Variants in THRB observed in about 807,000 individuals in gnomAD.
THRB encodes the protein thyroid hormone receptor beta.
A neutral mutation model predicts 47.8 loss-of-function variants in THRB; 12 were observed. The ratio of observed to expected loss-of-function variants is 0.25; its 90% CI spans 0.16 to 0.41. THRB has a LOEUF of 0.41. THRB is among the 10% of genes least tolerant of loss of function. The probability of loss-of-function intolerance (pLI) is 1.00; values close to 1 mark genes in which losing one functional copy is unlikely to be tolerated. For missense variants in THRB, 348 were observed against 589.2 expected (o/e 0.59, Z 4.24); for synonymous variants, 218 against 212.2 (o/e 1.03, Z -0.24).
At chr3:24,224,505 T>C (rs138533338) in intron 4 of THRB, among the ~76,000 whole-genome samples, 2 of 152,232 alleles carry the variant, frequency 1.3e-5, no homozygotes, top group Non-Finnish European at 2.9e-5. Flanking sequence ...GTAGGACATA[T>C]GCACCACCGT....
At chr3:24,401,426 G>A (rs547430226) in intron 1 of THRB, among the ~76,000 whole-genome samples, 1 of 152,078 alleles carries the variant, frequency 6.6e-6, no homozygotes, top group African/African-American at 2.4e-5. Flanking sequence ...ATGTTCAAGA[G>A]CTTTGTCAAA....
intron 3 of THRB, among the ~76,000 whole-genome samples, chr3:24,291,686 A>G (rs764538633): frequency 6.6e-6 from 1 of 152,158 alleles, no homozygotes; most frequent in Non-Finnish European, 1.5e-5. Context: ...TTTTCAATCC[A>G]TAGTTGGTTG....
intron 3 of THRB, among the ~76,000 whole-genome samples, chr3:24,245,770 G>T (rs146091420): frequency 1.3e-5 from 2 of 152,028 alleles, no homozygotes; most frequent in African/African-American, 4.8e-5. Context: ...AAAATTAGCC[G>T]GGTGTGGTGG....
intron 2 of THRB, among the ~76,000 whole-genome samples, chr3:24,330,140 C>A (rs551338469): frequency 4.9e-4 from 73 of 149,566 alleles, no homozygotes; most frequent in African/African-American, 1.7e-3. Flanking sequence ...CCCGTCTCTA[C>A]TAAAAATACA....
intron 1 of THRB, among the ~76,000 whole-genome samples, chr3:24,410,415 T>TA (rs1300223115): frequency 6.6e-6 from 1 of 151,820 alleles, no homozygotes; most frequent in Non-Finnish European, 1.5e-5. Flanking sequence ...ATCTTTGGAA[T>TA]AAAAAATAGA....
At chr3:24,414,836 A>G (rs1577401121) in intron 1 of THRB, among the ~76,000 whole-genome samples, 1 of 152,008 alleles carries the variant, frequency 6.6e-6, no homozygotes, top group East Asian at 2.0e-4. Context: ...TGGTAGAAAA[A>G]GTGATTTCCT....
chr3:24,126,905 C>CT (rs2032935156), intron 10 of THRB, among the ~76,000 whole-genome samples: 1 of 152,178 alleles, frequency 6.6e-6, no homozygotes, highest in Admixed American at 6.5e-5. Context: ...GCTTGGGACT[C>CT]TTTCTCTTGG....
intron 2 of THRB, among the ~76,000 whole-genome samples, chr3:24,324,872 A>G (rs1313894173): frequency 4.6e-5 from 7 of 152,240 alleles, no homozygotes; most frequent in African/African-American, 1.7e-4. Flanking sequence ...GAGCAGATTC[A>G]ATGCTGTATC....
At chr3:24,199,948 A>G (rs1273149076) in intron 4 of THRB, among the ~76,000 whole-genome samples, 1 of 152,224 alleles carries the variant, frequency 6.6e-6, no homozygotes. Flanking sequence ...GAGCACTGGG[A>G]AAATACTTTC....
intron 3 of THRB, among the ~76,000 whole-genome samples, chr3:24,255,831 G>A (rs887652322): frequency 6.6e-6 from 1 of 152,300 alleles, no homozygotes; most frequent in East Asian, 1.9e-4. Flanking sequence ...AGTCAGAAAA[G>A]GTTGAAGGGT....
chr3:24,149,527 T>C (rs1160211552), intron 6 of THRB, among the ~76,000 whole-genome samples: 2 of 152,240 alleles, frequency 1.3e-5, no homozygotes, highest in Admixed American at 1.3e-4. Context: ...AAATAATTTA[T>C]ACTTTGCTTA....
chr3:24,483,536 G>T (rs1309444279), intron 1 of THRB, among the ~76,000 whole-genome samples: 2 of 150,828 alleles, frequency 1.3e-5, no homozygotes, highest in South Asian at 2.1e-4. Context: ...TGCTGATAAT[G>T]ATATGAGGAT....
At chr3:24,387,278 C>G (rs1387066481) in intron 1 of THRB, among the ~76,000 whole-genome samples, 1 of 152,094 alleles carries the variant, frequency 6.6e-6, no homozygotes, top group Admixed American at 6.6e-5. Context: ...AATCTACAAT[C>G]ATTTAGGCCT....
At chr3:24,182,003 C>A (rs947533968) in intron 5 of THRB, among the ~76,000 whole-genome samples, 7 of 152,122 alleles carry the variant, frequency 4.6e-5, no homozygotes, top group Non-Finnish European at 1.0e-4. Flanking sequence ...AGATCGAGAC[C>A]ATCCTGGCTA....
chr3:24,319,360 TC>T (rs1370108716), intron 2 of THRB, among the ~76,000 whole-genome samples: 3 of 152,232 alleles, frequency 2.0e-5, no homozygotes, highest in African/African-American at 7.2e-5. Flanking sequence ...CTGTGGTATA[TC>T]CATGTACTCA....
chr3:24,312,811 G>C (rs536352666), intron 2 of THRB, among the ~76,000 whole-genome samples: 5 of 152,184 alleles, frequency 3.3e-5, no homozygotes, highest in Non-Finnish European at 7.4e-5. Context: ...TAGTCTAATG[G>C]AAAACCTTTA....
intron 1 of THRB, among the ~76,000 whole-genome samples, chr3:24,415,981 T>C (rs1437901736): frequency 4.0e-5 from 6 of 151,840 alleles, no homozygotes; most frequent in Non-Finnish European, 8.8e-5. Context: ...CAAGTATGAA[T>C]ATGTATTCAT....
intron 6 of THRB, among the ~76,000 whole-genome samples, chr3:24,150,377 T>C (rs2036735488): frequency 6.6e-6 from 1 of 152,198 alleles, no homozygotes; most frequent in East Asian, 1.9e-4. Flanking sequence ...TTTGTCATTA[T>C]ATTAAGTGAT....
chr3:24,147,999 AT>A lies in THRB; in HGVS notation c.385-1178del, dbSNP rs1310502776. On this transcript the variant is annotated intron_variant, in intron 6 of 10. Transcript: ENST00000646209. ...GCTTATATGATGTATAATGAAGTAA[AT>A]TTTACTGTATTACTTGAATGTTTTA... 2.0e-5 allele frequency among the ~76,000 whole-genome samples: 3 copies of A among 152,154 alleles called. No individual in the cohort carries two copies. The East Asian group carries it at 5.8e-4, about 29-fold the overall frequency.
Sources: gnomAD v4.1 joint callset for allele counts (sites outside exome capture counted in the v4.1 genomes callset) on GRCh38, gnomAD v4.1.1 for gene constraint, MANE v1.5 for transcripts, NCBI Gene and HGNC (gene_info 2026-07-23, HGNC 2026-07-21) for gene names.